Variants in PTCH1 observed in about 807,000 individuals in gnomAD.
The protein encoded by PTCH1 is protein patched homolog 1.
In PTCH1, 14 loss-of-function variants were observed where a neutral mutation model predicts 144.6. The ratio of observed to expected loss-of-function variants is 0.10; its 90% confidence interval spans 0.06 to 0.15. PTCH1 has a LOEUF of 0.15. Ranked by LOEUF, PTCH1 falls within the 10% of genes least tolerant of loss-of-function variation. The pLI, the probability that PTCH1 is intolerant of heterozygous loss-of-function variation, is 1.00. For missense variants in PTCH1, 1,623 were observed against 1,948.3 expected, an observed-to-expected ratio of 0.83 and a Z score of 3.14; for synonymous variants, 833 against 793.6, an observed-to-expected ratio of 1.05 and a Z score of -0.83.
chr9:95,472,917 T>A (rs1016103607), intron 12 of PTCH1, among the ~76,000 whole-genome samples: 1 of 152,306 alleles, frequency 6.6e-6, no homozygotes, highest in Non-Finnish European at 1.5e-5. Context: ...CCAGAGAAGA[T>A]GATGGGGATG....
Position 95,444,501 on chromosome 9 carries a change from G to A in PTCH1, c.*1892C>T, listed in dbSNP as rs547593905. On this transcript the variant is annotated 3_prime_UTR_variant, in exon 24 of 24. Coordinates refer to ENST00000331920, the MANE Select transcript of PTCH1 (RefSeq NM_000264.5). ...GTCCCCAGCAGAGACACACACACAC[G>A]CACGCACGCACACACACACACACAC... 7 of 142,716 alleles carry A rather than the reference G, an allele frequency of 4.9e-5. No homozygotes were observed. Among genetic ancestry groups the A allele is most frequent in the Admixed American group, 1.3e-4 (2 of 14,918 alleles). 8.8% of individuals were successfully genotyped at this position (142,716 alleles called of 1,614,324 possible).
intron 2 of PTCH1, 141 bp downstream of exon 2, chr9:95,506,266 C>T: frequency 1.9e-6 from 2 of 1,029,376 alleles, no homozygotes; most frequent in Non-Finnish European, 2.7e-6. Flanking sequence ...GCCAGGCGCC[C>T]AAACAATAAA....
At chr9:95,456,193 C>G in intron 19 of PTCH1, 83 bp downstream of exon 19, 1 of 1,489,800 alleles carries the variant, frequency 6.7e-7, no homozygotes, top group East Asian at 2.4e-5. Context: ...AGGGAGAATG[C>G]AAGGTTCCCA....
intron 2 of PTCH1, among the ~76,000 whole-genome samples, chr9:95,499,184 G>T (rs754367103): frequency 2.0e-5 from 3 of 151,934 alleles, no homozygotes; most frequent in Non-Finnish European, 4.4e-5. Context: ...GGATTTTAAA[G>T]TTGCCTCAGC....
intron 2 of PTCH1, among the ~76,000 whole-genome samples, chr9:95,488,007 G>A (rs1045048932): frequency 1.3e-5 from 2 of 152,152 alleles, no homozygotes; most frequent in Non-Finnish European, 1.5e-5. Context: ...TATAATCCTC[G>A]AAGTGACCTG....
chr9:95,447,905 G>A (rs942121567), intron 22 of PTCH1, among the ~76,000 whole-genome samples: 2 of 152,228 alleles, frequency 1.3e-5, no homozygotes, highest in African/African-American at 4.8e-5. Context: ...ACATGTGGTT[G>A]CTTAAGTTTT....
Position 95,476,674 on chromosome 9 carries a change from G to T in PTCH1, c.1602+85C>A. 7.5e-7 allele frequency: 1 copy of T among 1,329,486 alleles called. No homozygotes were observed. Among genetic ancestry groups the T allele is most frequent in the Non-Finnish European group, 1.1e-6 (1 of 942,720 alleles). 82.4% of individuals were successfully genotyped at this position (1,329,486 alleles called of 1,614,324 possible). A position where few individuals can be genotyped will look rare whatever the true frequency, so the allele number is the denominator to read the frequency against. ...TGGGACTGAAATCTTTACTGGGTCA[G>T]ACTGAGGAAAATTAAAGGACAAATA... is the stretch of plus-strand genomic sequence containing the variant. On this transcript the variant is annotated intron_variant, in intron 11 of 23. Transcript: ENST00000331920. This position sits in a 1 kb window ranked among gnomAD's most constrained non-coding sequence, Gnocchi z 4.6.
rs1307157791 is a variant in PTCH1, at chr9:95,443,667, G to A, written c.*2726C>T. 2 of 152,554 alleles carry A rather than the reference G, an allele frequency of 1.3e-5. No homozygotes were observed. Among genetic ancestry groups the A allele is most frequent in the Non-Finnish European group, 2.9e-5 (2 of 68,040 alleles). The allele number at this position is 152,554 out of a possible 1,614,324, so 9.5% of individuals were successfully genotyped here. ...CTGTGCCCACTCATGTCTCAGCAAAGTTCCAGACATTATGGATTCATCACA... is the reference window on the plus strand; with the variant it reads ...CTGTGCCCACTCATGTCTCAGCAAAATTCCAGACATTATGGATTCATCACA... On this transcript the variant is annotated 3_prime_UTR_variant, in exon 24 of 24. Coordinates refer to ENST00000331920, the MANE Select transcript of PTCH1 (RefSeq NM_000264.5).
upstream of PTCH1, among the ~76,000 whole-genome samples, chr9:95,511,753 T>G (rs2118938219): frequency 6.6e-6 from 1 of 152,356 alleles, no homozygotes; most frequent in East Asian, 1.9e-4. Flanking sequence ...AGGTTTACTA[T>G]TCTAGCTTTT....
At chr9:95,466,498 C>T (rs1171186201) in intron 15 of PTCH1, among the ~76,000 whole-genome samples, 1 of 152,160 alleles carries the variant, frequency 6.6e-6, no homozygotes, top group Non-Finnish European at 1.5e-5. Flanking sequence ...TGTGCAGGTT[C>T]ATCAGCTGTA....
At chr9:95,516,228 G>A (rs1468257098) in intron 1 of PTCH1, among the ~76,000 whole-genome samples, 1 of 149,110 alleles carries the variant, frequency 6.7e-6, no homozygotes, top group Non-Finnish European at 1.5e-5. Flanking sequence ...GGCCTCGGGG[G>A]CGGGGGCCCG....
At chr9:95,488,125 T>C (rs1414269179) in intron 2 of PTCH1, among the ~76,000 whole-genome samples, 2 of 152,236 alleles carry the variant, frequency 1.3e-5, no homozygotes, top group African/African-American at 4.8e-5. Flanking sequence ...AGTTATTTTA[T>C]CACAGGGTGT....
rs760304883 is a variant in PTCH1, at chr9:95,446,358, A to G, written c.*35T>C. On this transcript the variant is annotated 3_prime_UTR_variant, in exon 24 of 24. Transcript: ENST00000331920. ...AAGAGGTGGGGGTGGGGGGTTTCCAATCTTTGGCCTCTTTGCTTCAGATTT... is the reference window on the plus strand; with the variant it reads ...AAGAGGTGGGGGTGGGGGGTTTCCAGTCTTTGGCCTCTTTGCTTCAGATTT... 1 of 518,418 alleles carries G rather than the reference A, an allele frequency of 1.9e-6. No homozygotes were observed. The highest frequency in any genetic ancestry group is 3.9e-6 in the Non-Finnish European group (1 of 259,706). The allele number at this position is 518,418 out of a possible 1,614,324, so 32.1% of individuals were successfully genotyped here.
intron 2 of PTCH1, among the ~76,000 whole-genome samples, chr9:95,498,991 G>C (rs1329380702): frequency 6.6e-6 from 1 of 152,190 alleles, no homozygotes. Context: ...GGAGTTCTAA[G>C]CAAGGAAGAC....
At chr9:95,467,925 G>A (rs1318156306) in intron 14 of PTCH1, among the ~76,000 whole-genome samples, 1 of 151,182 alleles carries the variant, frequency 6.6e-6, no homozygotes, top group Admixed American at 6.6e-5. Context: ...TTATGTATCT[G>A]AGTTGGGATC....
intron 2 of PTCH1, among the ~76,000 whole-genome samples, chr9:95,498,025 G>T (rs1175877396): frequency 6.6e-6 from 1 of 151,994 alleles, no homozygotes; most frequent in Non-Finnish European, 1.5e-5. Flanking sequence ...TTTTGGGCAG[G>T]ATTCCTGAGC....
At chr9:95,480,190 A>C (rs2118403080) in intron 6 of PTCH1, 100 bp from the exon 7 acceptor site, 1 of 1,582,008 alleles carries the variant, frequency 6.3e-7, no homozygotes. Flanking sequence ...TTCAGAGAGA[A>C]CATTAATAGC....
Position 95,461,864 on chromosome 9 carries a change from T to C in PTCH1, c.2695A>G (p.Ile899Val), listed in dbSNP as rs765371196. 4.3e-6 allele frequency: 7 copies of C among 1,614,118 alleles called. No individual in the cohort carries two copies. The South Asian group carries it at 4.4e-5, about 10-fold the overall frequency. The change falls in exon 16 of 24, where the codon ATC becomes GTC. Residue 899 changes from isoleucine (I) to valine (V), a missense_variant. Ile to Val is a conservative substitution (Grantham distance 29, BLOSUM62 3). Around this residue, in one of 7 missense-constraint regions of PTCH1, gnomAD observed 504 missense variants for 679.3 expected, o/e 0.74. Coordinates refer to ENST00000331920, the MANE Select transcript of PTCH1 (RefSeq NM_000264.5). ...CCCAGCAGCTGGAGTACCTGGCTGATGTCGATGGGCTTATCGCGGCTGCCG... is the reference window on the plus strand; with the variant it reads ...CCCAGCAGCTGGAGTACCTGGCTGACGTCGATGGGCTTATCGCGGCTGCCG... Reference protein sequence around the residue: ...QTGSRDKPIDISQLTKQRLVD... With the variant: ...QTGSRDKPIDVSQLTKQRLVD...
rs1038180567 is a variant in PTCH1, at chr9:95,453,304, G to C, written c.3449+174C>G. On this transcript the variant is annotated intron_variant, in intron 20 of 23. Coordinates refer to ENST00000331920, the MANE Select transcript of PTCH1 (RefSeq NM_000264.5). ...CCACCACCACGCCCGGCTAATTTTTGTATTTTGAGTGGAGATGAGTTTCAC... is the reference window on the plus strand; with the variant it reads ...CCACCACCACGCCCGGCTAATTTTTCTATTTTGAGTGGAGATGAGTTTCAC... 3.0e-5 allele frequency: 27 copies of C among 903,698 alleles called. No homozygotes were observed. The African/African-American group carries it at 4.5e-4, about 15-fold the overall frequency. 56.0% of individuals were successfully genotyped at this position (903,698 alleles called of 1,614,324 possible).
Sources: allele counts gnomAD v4.1 joint callset (sites outside exome capture counted in the v4.1 genomes callset), GRCh38; gene constraint gnomAD v4.1.1; regional missense constraint gnomAD v4.1.1; non-coding constraint Gnocchi (gnomAD v3.1); transcripts MANE v1.5; gene names NCBI Gene and HGNC (gene_info 2026-07-23, HGNC 2026-07-21).